Variants in ASCC2 observed in about 807,000 individuals in gnomAD.
ASCC2 encodes the protein activating signal cointegrator 1 complex subunit 2.
Under a neutral mutation model 93.5 loss-of-function variants are expected in ASCC2, and 42 were observed. That is an observed-to-expected ratio of 0.45 (90% CI 0.35 to 0.58). The LOEUF (loss-of-function observed/expected upper bound fraction) is 0.58, where lower values mean the gene tolerates loss of function less well. Among genes scored for constraint, ASCC2 ranks in the 20% least tolerant of loss-of-function variants. ASCC2 has a pLI of 0.00. For synonymous variants in ASCC2, 364 were observed against 384.2 expected, an observed-to-expected ratio of 0.95 and a Z score of 0.62; for missense variants, 859 against 977.6, an observed-to-expected ratio of 0.88 and a Z score of 1.62.
intron 13 of ASCC2, among the ~76,000 whole-genome samples, 159 bp downstream of exon 13, chr22:29,804,479 C>T (rs112682918): frequency 0.014 from 2,168 of 152,284 alleles, 45 homozygotes; most frequent in African/African-American, 0.048. Flanking sequence ...CCTCTAAAGG[C>T]AGCACAGAGC....
intron 1 of ASCC2, among the ~76,000 whole-genome samples, chr22:29,833,289 A>T (rs1011042983): frequency 2.0e-5 from 3 of 151,816 alleles, no homozygotes; most frequent in African/African-American, 7.3e-5. Context: ...TCCTTTTAAA[A>T]CTCTAGCCAG....
chr22:29,820,913 C>CAA (rs376815823), intron 5 of ASCC2, among the ~76,000 whole-genome samples: 3 of 69,268 alleles, frequency 4.3e-5, no homozygotes, highest in Admixed American at 1.5e-4. Context: ...TCTCAATACA[C>CAA]AAAAAAAAAA....
At chr22:29,790,616 C>G in intron 18 of ASCC2, 68 bp from the exon 19 acceptor site, 1 of 1,511,236 alleles carries the variant, frequency 6.6e-7, no homozygotes, top group Non-Finnish European at 9.2e-7. Flanking sequence ...GGCGATGAGG[C>G]CCTGCTCAAG....
intron 12 of ASCC2, among the ~76,000 whole-genome samples, chr22:29,805,462 T>C (rs1373984625): frequency 6.6e-6 from 1 of 152,022 alleles, no homozygotes; most frequent in Admixed American, 6.6e-5. Context: ...GGCCAGTCCA[T>C]TCTCTTCCCT....
chr22:29,807,516 G>C (rs1267785002), intron 9 of ASCC2, among the ~76,000 whole-genome samples: 1 of 152,172 alleles, frequency 6.6e-6, no homozygotes, highest in Non-Finnish European at 1.5e-5. Context: ...AGCCATCATG[G>C]TATTTTGGGG....
chr22:29,822,488 G>A (rs759061010), intron 4 of ASCC2, 24 bp from the exon 5 acceptor site: 2 of 1,611,880 alleles, frequency 1.2e-6, no homozygotes, highest in East Asian at 2.2e-5. Context: ...CAGAGAGAAA[G>A]GATAGAGATT....
At chr22:29,802,235 G>C (rs770843948) in intron 13 of ASCC2, 27 bp from the exon 14 acceptor site, 1 of 1,611,488 alleles carries the variant, frequency 6.2e-7, no homozygotes, top group South Asian at 1.1e-5. Context: ...AGCCAAGAAG[G>C]GGAAGGCTAA....
Position 29,788,886 on chromosome 22 carries a change from G to A in ASCC2, c.*127C>T. The A allele has an allele frequency of 8.4e-7, 1 of 1,183,908 alleles. No homozygotes were observed. Among genetic ancestry groups the A allele is most frequent in the Non-Finnish European group, 1.2e-6 (1 of 827,318 alleles). The allele number at this position is 1,183,908 out of a possible 1,614,324, so 73.3% of individuals were successfully genotyped here. ...TAGATGAGAGGCGGCCTTCTCAGGG[G>A]CTGCAAAGCTGAGGCTGTTGAGGGG... is the stretch of plus-strand genomic sequence containing the variant. On this transcript the variant is annotated 3_prime_UTR_variant, in exon 20 of 20. Transcript: ENST00000307790.
Position 29,829,156 on chromosome 22 carries a change from A to G in ASCC2, c.81+3089T>C, listed in dbSNP as rs2062809486. ...ATGCCACTGCACCCCAGCCTGGGCA[A>G]CAGGTTAGACTCCACCTCAAAAAAA... On this transcript the variant is annotated intron_variant, in intron 2 of 19. Coordinates refer to ENST00000307790, the MANE Select transcript of ASCC2 (RefSeq NM_032204.5). Among the ~76,000 whole-genome samples the G allele has an allele frequency of 1.3e-5, 2 of 152,110 alleles. 1 individual carries two copies. Among genetic ancestry groups the G allele is most frequent in the Non-Finnish European group, 2.9e-5 (2 of 68,026 alleles).
chr22:29,795,355 C>G lies in ASCC2; in HGVS notation c.1689-1679G>C, dbSNP rs145611705. On this transcript the variant is annotated intron_variant, in intron 15 of 19. Transcript: ENST00000307790. ...GGGATTACAGGTGTGAGCTACTGTG[C>G]CCAGCCTGGATCTCTTAAACAAAAT... is the stretch of plus-strand genomic sequence containing the variant. Among the ~76,000 whole-genome samples the G allele has an allele frequency of 3.7e-3, 561 of 152,234 alleles. 3 individuals are homozygous for G. The highest frequency in any genetic ancestry group is 8.7e-3 in the South Asian group (42 of 4,820).
chr22:29,832,175 A>C, intron 2 of ASCC2, 70 bp downstream of exon 2: 1 of 1,363,548 alleles, frequency 7.3e-7, no homozygotes, highest in Non-Finnish European at 1.0e-6. Context: ...TAAAGACGGA[A>C]TTTACTTTTT....
At chr22:29,822,012 T>TTTTA in intron 5 of ASCC2, 1 of 441,032 alleles carries the variant, frequency 2.3e-6, no homozygotes. Context: ...TCTTTTTTTT[T>TTTTA]GAGATGGAGT....
In ASCC2 at chr22:29,793,608, C is replaced by T. The variant is rs143291076; in HGVS notation, c.1757G>A (p.Arg586His). 34 of 1,608,660 alleles carry T rather than the reference C, an allele frequency of 2.1e-5. No individual in the cohort carries two copies. In the African/African-American group the frequency reaches 2.4e-4, roughly 11 times the overall value. Residue 586 changes from arginine (R) to histidine (H), a missense_variant, in exon 16 of 20, where the codon CGC (arginine) becomes CAC (histidine). Physicochemically the swap from Arg to His is conservative, Grantham distance 29 (BLOSUM62 0). Transcript: ENST00000307790. ...CACCACCACGCTGTACTGCTCGTAG[C>T]GCTGCCGCTGTGCCGCCACTGCACG... is the stretch of plus-strand genomic sequence containing the variant. ...DKRAVAAQRQ[R>H]YEQYSVVVEE...
At chr22:29,804,457 C>G (rs1407643472) in intron 13 of ASCC2, among the ~76,000 whole-genome samples, 181 bp downstream of exon 13, 2 of 152,180 alleles carry the variant, frequency 1.3e-5, no homozygotes, top group Non-Finnish European at 2.9e-5. Context: ...CAGCATGCCC[C>G]CAGCTTGGGA....
intron 15 of ASCC2, among the ~76,000 whole-genome samples, chr22:29,800,650 A>C (rs566469775): frequency 6.6e-6 from 1 of 152,344 alleles, no homozygotes; most frequent in South Asian, 2.1e-4. Context: ...AATCAGGTCA[A>C]AGAGTGGTTT....
At chr22:29,802,797 C>A (rs1177026938) in intron 13 of ASCC2, among the ~76,000 whole-genome samples, 2 of 151,314 alleles carry the variant, frequency 1.3e-5, no homozygotes, top group African/African-American at 2.4e-5. Context: ...ATTAGCCAGG[C>A]GTGGTGGCAT....
Position 29,806,826 on chromosome 22 carries a change from C to G in ASCC2, c.987G>C (p.Gln329His). ...LMEIFHIILN[Q>H]ICLLPILESS... ...TTTCTAGGATGGGAAGGAGGCAGAT[C>G]TGGTTCAGGATGATGTGGAAAATCT... Residue 329 changes from glutamine (Q) to histidine (H), a missense_variant, in exon 10 of 20, where the codon CAG becomes CAC. Physicochemically the swap from Gln to His is conservative, Grantham distance 24. Transcript: ENST00000307790. The G allele has an allele frequency of 1.9e-6, 3 of 1,613,846 alleles. No individual in the cohort carries two copies. Among genetic ancestry groups the G allele is most frequent in the Non-Finnish European group, 1.7e-6 (2 of 1,179,730 alleles).
In ASCC2 at chr22:29,794,549, C is replaced by T. The variant is rs1482151624; in HGVS notation, c.1689-873G>A. Among the ~76,000 whole-genome samples the T allele has an allele frequency of 3.9e-5, 6 of 152,058 alleles. No individual in the cohort carries two copies. The East Asian group carries it at 1.2e-3, about 29-fold the overall frequency. On this transcript the variant is annotated intron_variant, in intron 15 of 19. Transcript: ENST00000307790. Reference sequence around the variant, plus strand: ...TGCGTACCTTTCAACCAGGATATTCCCTGTCAAGGCATCTGCCCTAAAGAA... The same window carrying T: ...TGCGTACCTTTCAACCAGGATATTCTCTGTCAAGGCATCTGCCCTAAAGAA...
intron 15 of ASCC2, among the ~76,000 whole-genome samples, chr22:29,798,594 T>C (rs534021326): frequency 5.2e-4 from 79 of 152,348 alleles, no homozygotes; most frequent in Non-Finnish European, 9.3e-4. Context: ...TCCTTACTAC[T>C]TAAGCACTGA....
Sources: gnomAD v4.1 joint callset for allele counts (sites outside exome capture counted in the v4.1 genomes callset) on GRCh38, gnomAD v4.1.1 for gene constraint, MANE v1.5 for transcripts, NCBI Gene and HGNC (gene_info 2026-07-23, HGNC 2026-07-21) for gene names.